Variants in DMAC2L observed in about 807,000 individuals in gnomAD.
DMAC2L encodes ATP synthase subunit s, mitochondrial.
In DMAC2L, 21 loss-of-function variants were observed where a neutral mutation model predicts 22.5. The ratio of observed to expected loss-of-function variants is 0.93; its 90% CI spans 0.66 to 1.34. DMAC2L has a LOEUF of 1.34. Among genes scored for constraint, DMAC2L ranks in the 40% most tolerant of loss-of-function variants. The probability of loss-of-function intolerance (pLI) is 0.00; values close to 1 mark genes in which losing one functional copy is unlikely to be tolerated. For missense variants in DMAC2L, 239 were observed against 246.5 expected (o/e 0.97, Z 0.20); for synonymous variants, 86 against 89.5 (o/e 0.96, Z 0.22).
At chr14:50,311,702 G>A (rs2031203089), upstream of DMAC2L, among the ~76,000 whole-genome samples, 1 of 152,150 alleles carries the variant, frequency 6.6e-6, no homozygotes, top group African/African-American at 2.4e-5. Flanking sequence ...AGAGACTAAG[G>A]TCCAATTCAC....
chr14:50,315,896 TG>T lies in DMAC2L; in HGVS notation c.-6+1271del, dbSNP rs562880797. Among the ~76,000 whole-genome samples the T allele has an allele frequency of 1.2e-4, 18 of 152,318 alleles. No homozygotes were observed. The East Asian group carries it at 3.3e-3, about 28-fold the overall frequency. ...GTGTGCAAGTATCTTTTTTGTATAA[TG>T]ACTTCCTTTCCTCTGGGTAGCTACC... On this transcript the variant is annotated intron_variant, in intron 2 of 5. Coordinates refer to ENST00000557421, the MANE Select transcript of DMAC2L (RefSeq NM_001382507.1).
intron 2 of DMAC2L, among the ~76,000 whole-genome samples, chr14:50,320,159 T>A (rs577303863): frequency 6.6e-6 from 1 of 152,316 alleles, no homozygotes; most frequent in Admixed American, 6.5e-5. Flanking sequence ...TCTGGTACAA[T>A]CTCAGCTTAC....
rs2139330631 is a variant in DMAC2L, at chr14:50,325,919, T to C, written c.*196T>C. 2 of 1,225,512 alleles carry C rather than the reference T, an allele frequency of 1.6e-6. No homozygotes were observed. The highest frequency in any genetic ancestry group is 2.0e-6 in the Non-Finnish European group (2 of 976,906). 75.9% of individuals were successfully genotyped at this position (1,225,512 alleles called of 1,614,324 possible). On this transcript the variant is annotated 3_prime_UTR_variant, in exon 6 of 6. Transcript: ENST00000557421. ...TTACTAAGTTGGAAGTGAGAATTTA[T>C]GAACATTAATTCATTTTAAGAAAAG...
At position 50,326,006 on chromosome 14, in the gene DMAC2L, G is replaced by T; in HGVS notation, c.*283G>T. The T allele has an allele frequency of 1.1e-6, 1 of 872,418 alleles. No individual in the cohort carries two copies. The highest frequency in any genetic ancestry group is 1.4e-6 in the Non-Finnish European group (1 of 708,478). 54.0% of individuals were successfully genotyped at this position (872,418 alleles called of 1,614,324 possible). Reference sequence around the variant, plus strand: ...GCACTTTGGGAGGCCAAAGCGGGCAGATCACCTGAGGTCAGGAGTTCAAGA... The same window carrying T: ...GCACTTTGGGAGGCCAAAGCGGGCATATCACCTGAGGTCAGGAGTTCAAGA... On this transcript the variant is annotated 3_prime_UTR_variant, in exon 6 of 6. Coordinates refer to ENST00000557421, the MANE Select transcript of DMAC2L (RefSeq NM_001382507.1).
upstream of DMAC2L, chr14:50,311,964 G>T: frequency 2.6e-6 from 4 of 1,540,892 alleles, no homozygotes; most frequent in Non-Finnish European, 3.5e-6. Flanking sequence ...AGGTGCCTCC[G>T]CGAGGGGCAG....
At chr14:50,323,388 C>CCTATGTGGGCAT in intron 4 of DMAC2L, among the ~76,000 whole-genome samples, 1 of 118,038 alleles carries the variant, frequency 8.5e-6, no homozygotes, top group East Asian at 2.9e-4. Flanking sequence ...TGCACCCGGC[C>CCTATGTGGGCAT]TCTTTTTTTT....
chr14:50,324,707 A>C (rs2139323618), intron 5 of DMAC2L: 1 of 152,338 alleles, frequency 6.6e-6, no homozygotes, highest in African/African-American at 2.4e-5. Context: ...CTAGCAAGGA[A>C]TGTTTAATTC....
rs151168913 is a variant in DMAC2L, at chr14:50,326,206, G to T, written c.*483G>T. The T allele has an allele frequency of 1.7e-5, 5 of 291,136 alleles. No homozygotes were observed. The highest frequency in any genetic ancestry group is 2.5e-5 in the Non-Finnish European group (5 of 197,418). The allele number at this position is 291,136 out of a possible 1,614,324, so 18.0% of individuals were successfully genotyped here. On this transcript the variant is annotated 3_prime_UTR_variant, in exon 6 of 6. Coordinates refer to ENST00000557421, the MANE Select transcript of DMAC2L (RefSeq NM_001382507.1). ...ATTGTGCCACTGCACTCCAGCCTGG[G>T]TGACAGAGCGAGACTGTCTCAAAAA...
intron 2 of DMAC2L, among the ~76,000 whole-genome samples, chr14:50,320,165 C>G (rs1216726219): frequency 6.6e-6 from 1 of 152,214 alleles, no homozygotes; most frequent in African/African-American, 2.4e-5. Context: ...ACAATCTCAG[C>G]TTACTGCAAT....
In DMAC2L at chr14:50,321,477, GTC is replaced by G. The variant is rs1370095838; in HGVS notation, c.-5-4_-5-3del. 1.9e-6 allele frequency: 3 copies of G among 1,613,360 alleles called. No homozygotes were observed. The highest frequency in any genetic ancestry group is 2.5e-6 in the Non-Finnish European group (3 of 1,179,496). On this transcript the variant is annotated splice_region_variant and splice_polypyrimidine_tract_variant and intron_variant, in intron 2 of 5. Coordinates refer to ENST00000557421, the MANE Select transcript of DMAC2L (RefSeq NM_001382507.1). ...ATCTAATGTAAGTACTGTTTTGTGT[GTC>G]TAGATCAAATGATGCCGTTTGGAAA...
chr14:50,326,358 G>GT lies in DMAC2L; in HGVS notation c.*640dup. The GT allele has an allele frequency of 9.3e-6, 8 of 861,556 alleles. No homozygotes were observed. The highest frequency in any genetic ancestry group is 1.1e-5 in the Non-Finnish European group (8 of 717,194). The allele number at this position is 861,556 out of a possible 1,614,324, so 53.4% of individuals were successfully genotyped here. A position where few individuals can be genotyped will look rare whatever the true frequency, so the allele number is the denominator to read the frequency against. ...CTTTAAAGTTATTTGTACAACAGATGTTTTTATTATAACAGTAATTTACAT... is the reference window on the plus strand; with the variant it reads ...CTTTAAAGTTATTTGTACAACAGATGTTTTTTATTATAACAGTAATTTACAT... On this transcript the variant is annotated 3_prime_UTR_variant, in exon 6 of 6. Coordinates refer to ENST00000557421, the MANE Select transcript of DMAC2L (RefSeq NM_001382507.1).
chr14:50,325,625 T>C lies in DMAC2L; in HGVS notation c.505T>C (p.Leu169=). ...TATTTGCAGAAACCTCAAATATTTG[T>C]TGTTAAGTGATCTTCCTGGAGTAAG... The part of the protein sequence containing the change: ...LRHLRNLKYL[L]LSDLPGVREK... The change falls in exon 6 of 6, where the codon TTG becomes CTG. Residue 169 remains leucine, a synonymous_variant. Coordinates refer to ENST00000557421, the MANE Select transcript of DMAC2L (RefSeq NM_001382507.1). 1.2e-6 allele frequency: 2 copies of C among 1,610,146 alleles called. No homozygotes were observed. The highest frequency in any genetic ancestry group is 1.7e-6 in the Non-Finnish European group (2 of 1,177,888).
chr14:50,325,541 A>T, intron 5 of DMAC2L, 68 bp from the exon 6 acceptor site: 1 of 1,497,688 alleles, frequency 6.7e-7, no homozygotes, highest in South Asian at 1.2e-5. Context: ...TCTTTCTTTA[A>T]GTCAGTAAAT....
intron 5 of DMAC2L, chr14:50,324,763 A>G (rs368321118): frequency 6.6e-6 from 1 of 152,202 alleles, no homozygotes; most frequent in South Asian, 2.1e-4. Flanking sequence ...TGAAAAAAGA[A>G]TAGAAGTTTT....
Position 50,325,955 on chromosome 14 carries a change from C to T in DMAC2L, c.*232C>T, listed in dbSNP as rs1029841825. 79 of 1,134,756 alleles carry T rather than the reference C, an allele frequency of 7.0e-5. No homozygotes were observed. The highest frequency in any genetic ancestry group is 1.3e-4 in the East Asian group (2 of 15,888). 70.3% of individuals were successfully genotyped at this position (1,134,756 alleles called of 1,614,324 possible). On this transcript the variant is annotated 3_prime_UTR_variant, in exon 6 of 6. Transcript: ENST00000557421. Reference sequence around the variant, plus strand: ...TCATTTTAAGAAAAGTGCAGCCAGGCGCAGTGGCTCATGCCTGTAATCCTA... The same window carrying T: ...TCATTTTAAGAAAAGTGCAGCCAGGTGCAGTGGCTCATGCCTGTAATCCTA...
intron 2 of DMAC2L, among the ~76,000 whole-genome samples, chr14:50,316,029 TGTA>T (rs2031769855): frequency 6.6e-6 from 1 of 152,208 alleles, no homozygotes; most frequent in Non-Finnish European, 1.5e-5. Flanking sequence ...CCACCAGCAG[TGTA>T]GAAGTGTTCC....
chr14:50,314,080 T>C (rs1013535701), intron 1 of DMAC2L, among the ~76,000 whole-genome samples: 2 of 152,246 alleles, frequency 1.3e-5, no homozygotes, highest in Non-Finnish European at 2.9e-5. Context: ...TGAGTGGTAT[T>C]CCATAATGTA....
chr14:50,312,858 GGCGGT>G, intron 1 of DMAC2L: 1 of 695,594 alleles, frequency 1.4e-6, no homozygotes, highest in Admixed American at 2.4e-5. Flanking sequence ...TGGGGCTCCT[GGCGGT>G]GCTATTCATT....
At chr14:50,314,478 T>C (rs2031588649) in intron 1 of DMAC2L, 113 bp from the exon 2 acceptor site, 1 of 453,754 alleles carries the variant, frequency 2.2e-6, no homozygotes, top group Admixed American at 2.4e-5. Flanking sequence ...TACATTCAAC[T>C]GTTCACTCAT....
Sources: allele counts gnomAD v4.1 joint callset (sites outside exome capture counted in the v4.1 genomes callset), GRCh38; gene constraint gnomAD v4.1.1; transcripts MANE v1.5; gene names NCBI Gene and HGNC (gene_info 2026-07-23, HGNC 2026-07-21).